The following DNAI3 variants were observed in gnomAD, a reference collection of about 807,000 sequenced individuals.
DNAI3 encodes the protein WD repeat domain 63.
A neutral mutation model predicts 115.5 loss-of-function variants in DNAI3; 83 were observed. The observed-to-expected ratio is 0.72, with a 90% CI of 0.60 to 0.86. DNAI3 has a LOEUF of 0.86. Among genes scored for constraint, DNAI3 ranks in the 40% least tolerant of loss-of-function variants. The probability of loss-of-function intolerance (pLI) is 0.00; values close to 1 mark genes in which losing one functional copy is unlikely to be tolerated. For synonymous variants in DNAI3, 320 were observed against 347.0 expected (o/e 0.92, Z 0.86); for missense variants, 1,004 against 1,075.8 (o/e 0.93, Z 0.93).
chr1:85,093,758 G>C, intron 9 of DNAI3, 110 bp downstream of exon 9: 1 of 1,351,340 alleles, frequency 7.4e-7, no homozygotes, highest in Non-Finnish European at 1.0e-6. Flanking sequence ...CCTTCCATTT[G>C]CTCTGTACTC....
At chr1:85,117,448 C>A (rs531308702) in intron 16 of DNAI3, among the ~76,000 whole-genome samples, 2 of 152,022 alleles carry the variant, frequency 1.3e-5, no homozygotes, top group Non-Finnish European at 2.9e-5. Flanking sequence ...AACAGGTTGC[C>A]GATGATGTTT....
At chr1:85,072,995 T>TAA in intron 2 of DNAI3, 59 bp from the exon 3 acceptor site, 2 of 850,294 alleles carry the variant, frequency 2.4e-6, no homozygotes, top group Non-Finnish European at 1.8e-6. Context: ...AAGATTATAA[T>TAA]AAATTGAGAT....
chr1:85,106,782 TA>T, intron 14 of DNAI3, among the ~76,000 whole-genome samples: 1 of 152,224 alleles, frequency 6.6e-6, no homozygotes, highest in Non-Finnish European at 1.5e-5. Context: ...ATTCAATGGA[TA>T]AAGAATAATC....
intron 22 of DNAI3, among the ~76,000 whole-genome samples, chr1:85,131,375 C>T (rs986897571): frequency 1.5e-4 from 20 of 131,390 alleles, no homozygotes; most frequent in African/African-American, 5.4e-4. Flanking sequence ...ACCTGGGAGG[C>T]GGAGGTTATG....
Position 85,084,567 on chromosome 1 carries a change from C to G in DNAI3, c.412C>G (p.Gln138Glu), listed in dbSNP as rs372052431. 5 of 1,481,934 alleles carry G rather than the reference C, an allele frequency of 3.4e-6. No individual in the cohort carries two copies. The highest frequency in any genetic ancestry group is 1.5e-5 in the South Asian group (1 of 66,562). 91.8% of individuals were successfully genotyped at this position (1,481,934 alleles called of 1,614,324 possible). A position where few individuals can be genotyped will look rare whatever the true frequency, so the allele number is the denominator to read the frequency against. Residue 138 changes from glutamine to glutamate, a missense_variant, in exon 6 of 23, where the codon CAA becomes GAA. Transcript: ENST00000294664. ...TTAGCCCCCAGAAGTACCAGAAGAA[C>G]AAGAAGAATATAAAGAACATATTCC... ...YLNPPEVPEE[Q>E]EEYKEHIPED...
Position 85,073,101 on chromosome 1 carries a change from AAATAT to A in DNAI3, c.103+13_103+17del. The stretch of plus-strand genomic sequence containing the variant: ...AAATATGGAGAGCATGGGTAAGTGG[AAATAT>A]AATTTACAACTTACATCCTCAGTTT... On this transcript the variant is annotated intron_variant, in intron 3 of 22. Coordinates refer to ENST00000294664, the MANE Select transcript of DNAI3 (RefSeq NM_145172.5). 1 of 1,531,648 alleles carries A rather than the reference AAATAT, an allele frequency of 6.5e-7. No individual in the cohort carries two copies. Among genetic ancestry groups the A allele is most frequent in the Non-Finnish European group, 8.8e-7 (1 of 1,133,518 alleles). 94.9% of individuals were successfully genotyped at this position (1,531,648 alleles called of 1,614,324 possible).
chr1:85,082,564 C>T (rs1318231971), intron 5 of DNAI3, among the ~76,000 whole-genome samples, 160 bp downstream of exon 5: 2 of 152,104 alleles, frequency 1.3e-5, no homozygotes, highest in Non-Finnish European at 2.9e-5. Flanking sequence ...CCCACCTCAG[C>T]CCCCCAAGTA....
Position 85,086,006 on chromosome 1 carries a change from AG to A in DNAI3, c.718del (p.Asp240ThrfsTer2). 1 of 1,614,106 alleles carries A rather than the reference AG, an allele frequency of 6.2e-7. No individual in the cohort carries two copies. ...GGCATGCAAGTAATCCCCCAAATAA[AG>A]GACATAAGCACTCAGACAAAATGGT... is the stretch of plus-strand genomic sequence containing the variant. ...DVGMQVIPQI[K>X]DISTQTKWTY... On this transcript the variant is annotated frameshift_variant, in exon 7 of 23. Transcript: ENST00000294664. LOFTEE classifies it high-confidence loss of function.
chr1:85,074,673 T>C (rs1303981353), intron 3 of DNAI3, among the ~76,000 whole-genome samples: 1 of 152,212 alleles, frequency 6.6e-6, no homozygotes, highest in African/African-American at 2.4e-5. Flanking sequence ...TTCTCGTTCG[T>C]GTATTCTATA....
intron 21 of DNAI3, among the ~76,000 whole-genome samples, chr1:85,129,009 G>A (rs1281523417): frequency 6.6e-6 from 1 of 152,176 alleles, no homozygotes; most frequent in Non-Finnish European, 1.5e-5. Context: ...GGGAAACCAA[G>A]TCAATGAAGT....
chr1:85,101,362 A>C (rs1025803070), intron 13 of DNAI3, among the ~76,000 whole-genome samples: 5 of 152,146 alleles, frequency 3.3e-5, no homozygotes, highest in African/African-American at 1.2e-4. Flanking sequence ...AAGTAAAGGA[A>C]CTTCATATCA....
rs1655606801 is a variant in DNAI3 at position 85,110,088 on chromosome 1, C to G, written c.1739C>G (p.Pro580Arg). 1.2e-6 allele frequency: 2 copies of G among 1,609,406 alleles called. No individual in the cohort carries two copies. The highest frequency in any genetic ancestry group is 1.7e-6 in the Non-Finnish European group (2 of 1,177,458). Residue 580 changes from proline to arginine, a missense_variant, in exon 16 of 23, where the codon CCA becomes CGA. This residue lies in a region of DNAI3 where 429 missense variants were observed against 454.3 expected (regional missense o/e 0.94). Transcript: ENST00000294664. ...SKGETSLDHC[P>R]TKISLNEDHL... ...GGTGAAACAAGTTTAGACCACTGTC[C>G]AACCAAGATAAGCCTGAATGAAGAC... is the stretch of plus-strand genomic sequence containing the variant.
chr1:85,080,653 A>G (rs1478493701), intron 3 of DNAI3, among the ~76,000 whole-genome samples: 1 of 152,236 alleles, frequency 6.6e-6, no homozygotes, highest in Non-Finnish European at 1.5e-5. Context: ...ATACAGGCTG[A>G]AAGCCTAAAC....
chr1:85,108,062 A>C lies in DNAI3; in HGVS notation c.1583A>C (p.Gln528Pro). The change falls in exon 15 of 23, where the codon CAG becomes CCG. Residue 528 changes from glutamine (Q) to proline (P), a missense_variant. Transcript: ENST00000294664. ...ATATGTTTTTGGGATATTAGACCACAGAAACCTTTAACCCCCCAAACAACA... is the reference window on the plus strand; with the variant it reads ...ATATGTTTTTGGGATATTAGACCACCGAAACCTTTAACCCCCCAAACAACA... ...CTICFWDIRP[Q>P]KPLTPQTTEK... 6.2e-7 allele frequency: 1 copy of C among 1,601,770 alleles called. No individual in the cohort carries two copies. The highest frequency in any genetic ancestry group is 8.5e-7 in the Non-Finnish European group (1 of 1,175,712).
chr1:85,079,735 C>G (rs1654572894), intron 3 of DNAI3, among the ~76,000 whole-genome samples: 1 of 152,096 alleles, frequency 6.6e-6, no homozygotes, highest in Non-Finnish European at 1.5e-5. Flanking sequence ...AGCGTCCACC[C>G]TCCCAGGGCA....
At chr1:85,071,463 T>C (rs956090659) in intron 1 of DNAI3, among the ~76,000 whole-genome samples, 5 of 152,218 alleles carry the variant, frequency 3.3e-5, no homozygotes, top group Non-Finnish European at 7.3e-5. Flanking sequence ...AAGTATGAGC[T>C]CAATTACGTT....
chr1:85,121,903 G>A, intron 18 of DNAI3, 89 bp downstream of exon 18: 2 of 1,417,038 alleles, frequency 1.4e-6, no homozygotes, highest in South Asian at 2.4e-5. Flanking sequence ...GAGTCACCCT[G>A]GTCTTGCTAA....
In DNAI3 at chr1:85,097,262, T is replaced by A. The variant is rs1655152651; in HGVS notation, c.1264-307T>A. On this transcript the variant is annotated intron_variant, in intron 11 of 22. Coordinates refer to ENST00000294664, the MANE Select transcript of DNAI3 (RefSeq NM_145172.5). The stretch of plus-strand genomic sequence containing the variant: ...ACTGTCCCTACAATCATAGCACACC[T>A]CCAAAAACAGGAAGAACTTTTCCTA... Among the ~76,000 whole-genome samples the A allele has an allele frequency of 2.6e-5, 4 of 152,140 alleles. No homozygotes were observed. In the South Asian group the frequency reaches 8.3e-4, roughly 31 times the overall value.
At position 85,081,310 on chromosome 1, in the gene DNAI3, C is replaced by T. The variant is rs1654625382; in HGVS notation, c.180C>T (p.Val60=). The T allele has an allele frequency of 7.5e-6, 12 of 1,606,450 alleles. No homozygotes were observed. Among genetic ancestry groups the T allele is most frequent in the Non-Finnish European group, 1.0e-5 (12 of 1,177,624 alleles). Residue 60 remains valine (V), a synonymous_variant, in exon 4 of 23, where the codon GTC becomes GTT. Transcript: ENST00000294664. Reference sequence around the variant, plus strand: ...TTAACTGCCGAATAGATGAAGATGTCACAGATGAACAACCTTATAAGCTTA... The same window carrying T: ...TTAACTGCCGAATAGATGAAGATGTTACAGATGAACAACCTTATAAGCTTA... The part of the protein sequence containing the change: ...EIFNCRIDED[V]TDEQPYKLIN...
Sources: gnomAD v4.1 joint callset for allele counts (sites outside exome capture counted in the v4.1 genomes callset) on GRCh38, gnomAD v4.1.1 for gene constraint, gnomAD v4.1.1 regional missense constraint, MANE v1.5 for transcripts, NCBI Gene and HGNC (gene_info 2026-07-23, HGNC 2026-07-21) for gene names.